The following PACRG variants were observed in gnomAD, a reference collection of about 807,000 sequenced individuals.
PACRG encodes parkin coregulated gene protein.
A neutral mutation model predicts 29.7 loss-of-function variants in PACRG; 29 were observed. The observed-to-expected ratio is 0.98, with a 90% CI of 0.73 to 1.33. PACRG has a LOEUF of 1.33. PACRG is among the 40% of genes most tolerant of loss of function. The pLI, the probability that PACRG is intolerant of heterozygous loss-of-function variation, is 0.00. For missense variants in PACRG, 279 were observed against 316.2 expected (o/e 0.88, Z 0.89); for synonymous variants, 116 against 118.7 (o/e 0.98, Z 0.15).
chr6:162,846,809 G>A (rs1238070808), intron 2 of PACRG, among the ~76,000 whole-genome samples: 1 of 152,180 alleles, frequency 6.6e-6, no homozygotes, highest in Non-Finnish European at 1.5e-5. Context: ...GCTCCCCACT[G>A]TTGTCTGTGC....
At chr6:163,255,575 G>A (rs769484450) in intron 4 of PACRG, among the ~76,000 whole-genome samples, 5 of 152,062 alleles carry the variant, frequency 3.3e-5, no homozygotes, top group Non-Finnish European at 7.4e-5. Context: ...CCTTGGGGGC[G>A]ACCCACCCAA....
intron 4 of PACRG, among the ~76,000 whole-genome samples, chr6:163,274,269 G>A (rs1384873401): frequency 2.0e-5 from 3 of 152,190 alleles, no homozygotes; most frequent in African/African-American, 4.8e-5. Flanking sequence ...CTATGAGTGA[G>A]AACATGCAGT....
intron 2 of PACRG, among the ~76,000 whole-genome samples, chr6:162,891,514 A>T (rs1006267536): frequency 1.3e-5 from 2 of 152,062 alleles, no homozygotes; most frequent in Non-Finnish European, 2.9e-5. Context: ...CAGCCATTCC[A>T]TCTCAGCTCC....
chr6:162,951,793 G>A (rs1009251104), intron 2 of PACRG, among the ~76,000 whole-genome samples: 1 of 152,156 alleles, frequency 6.6e-6, no homozygotes, highest in Non-Finnish European at 1.5e-5. Context: ...TTCAGCTGAT[G>A]GTTTTTTAAA....
At chr6:163,137,464 C>T (rs1205814873) in intron 4 of PACRG, among the ~76,000 whole-genome samples, 1 of 152,092 alleles carries the variant, frequency 6.6e-6, no homozygotes, top group Non-Finnish European at 1.5e-5. Context: ...CTGAACAAAC[C>T]CACCAAAATC....
At chr6:162,985,336 A>G (rs938600149) in intron 2 of PACRG, among the ~76,000 whole-genome samples, 2 of 152,132 alleles carry the variant, frequency 1.3e-5, no homozygotes, top group East Asian at 1.9e-4. Context: ...ATCCAACAGC[A>G]TATGAAAAAG....
At chr6:163,048,454 C>A (rs778095736) in intron 2 of PACRG, among the ~76,000 whole-genome samples, 2 of 151,962 alleles carry the variant, frequency 1.3e-5, no homozygotes, top group Admixed American at 6.6e-5. Context: ...GTGATATGGC[C>A]TATTTGGCCA....
intron 2 of PACRG, among the ~76,000 whole-genome samples, chr6:162,834,184 A>C (rs961881029): frequency 2.6e-5 from 4 of 152,160 alleles, no homozygotes; most frequent in African/African-American, 9.7e-5. Flanking sequence ...AAAAGAGAAG[A>C]AAGTTAAGTC....
intron 2 of PACRG, among the ~76,000 whole-genome samples, chr6:162,945,221 A>G (rs1798918545): frequency 6.6e-6 from 1 of 152,102 alleles, no homozygotes; most frequent in South Asian, 2.1e-4. Context: ...GACTGACTGA[A>G]TGGATAAAAT....
At chr6:162,956,016 T>C (rs1454464532) in intron 2 of PACRG, among the ~76,000 whole-genome samples, 1 of 152,184 alleles carries the variant, frequency 6.6e-6, no homozygotes, top group Non-Finnish European at 1.5e-5. Context: ...CACAGGAGCC[T>C]GGAGGCTTTT....
chr6:163,148,482 A>G (rs2128337236), intron 4 of PACRG, among the ~76,000 whole-genome samples: 1 of 152,328 alleles, frequency 6.6e-6, no homozygotes, highest in East Asian at 1.9e-4. Context: ...ATTTCTAGCC[A>G]GAGAGCTGCA....
At chr6:162,922,200 T>TG (rs1797113897) in intron 2 of PACRG, among the ~76,000 whole-genome samples, 1 of 150,470 alleles carries the variant, frequency 6.6e-6, no homozygotes, top group Non-Finnish European at 1.5e-5. Flanking sequence ...GAGCAGTGCC[T>TG]GGGGGGTCTT....
chr6:163,233,672 TA>T (rs569647947), intron 4 of PACRG, among the ~76,000 whole-genome samples: 103 of 152,300 alleles, frequency 6.8e-4, no homozygotes, highest in African/African-American at 2.3e-3. Flanking sequence ...TTCTTTGTGT[TA>T]GGGGCAGAGG....
intron 1 of PACRG, among the ~76,000 whole-genome samples, chr6:162,736,142 A>G (rs2128253349): frequency 6.6e-6 from 1 of 152,346 alleles, no homozygotes; most frequent in African/African-American, 2.4e-5. Flanking sequence ...GAACTCTCTG[A>G]GAAATTGGTC....
rs867870618 is a variant in PACRG at position 163,257,005 on chromosome 6, C to T, written c.614-57822C>T. Among the ~76,000 whole-genome samples, 36 of 152,088 alleles carry T rather than the reference C, an allele frequency of 2.4e-4. 1 individual carries two copies. The highest frequency in any genetic ancestry group is 3.4e-3 in the Middle Eastern group (1 of 292). The stretch of plus-strand genomic sequence containing the variant: ...GTAGACACATCACTCCAATCTCTGC[C>T]GCCATCTTCACGTGGTCTTTTCTTG... On this transcript the variant is annotated intron_variant, in intron 4 of 4. Coordinates refer to ENST00000366888, the MANE Select transcript of PACRG (RefSeq NM_001080379.2).
At chr6:163,130,235 TG>T (rs1816680076) in intron 4 of PACRG, among the ~76,000 whole-genome samples, 1 of 152,184 alleles carries the variant, frequency 6.6e-6, no homozygotes, top group Non-Finnish European at 1.5e-5. Flanking sequence ...TGAGCACCTT[TG>T]GGGGTGGAGG....
At chr6:162,855,478 T>G (rs1791310488) in intron 2 of PACRG, among the ~76,000 whole-genome samples, 1 of 152,146 alleles carries the variant, frequency 6.6e-6, no homozygotes, top group African/African-American at 2.4e-5. Flanking sequence ...ATTATAGCCA[T>G]CTGTCTTAAA....
chr6:163,153,560 A>AT (rs1191310343), intron 4 of PACRG, among the ~76,000 whole-genome samples: 9 of 152,116 alleles, frequency 5.9e-5, no homozygotes, highest in East Asian at 1.9e-4. Context: ...CTAAAAGGGG[A>AT]TTTTTTTTAC....
At position 163,008,494 on chromosome 6, in the gene PACRG, A is replaced by C. The variant is rs925027672; in HGVS notation, c.292-53656A>C. 4.0e-5 allele frequency among the ~76,000 whole-genome samples: 6 copies of C among 151,852 alleles called. No individual in the cohort carries two copies. In the South Asian group the frequency reaches 6.3e-4, roughly 16 times the overall value. Reference sequence around the variant, plus strand: ...AGGGTCATCTATAACAAATCCTCTCAGTAGGAGATCCCTTCCTTTCTCCAA... The same window carrying C: ...AGGGTCATCTATAACAAATCCTCTCCGTAGGAGATCCCTTCCTTTCTCCAA... On this transcript the variant is annotated intron_variant, in intron 2 of 4. Coordinates refer to ENST00000366888, the MANE Select transcript of PACRG (RefSeq NM_001080379.2).
Sources: allele counts gnomAD v4.1 joint callset (sites outside exome capture counted in the v4.1 genomes callset), GRCh38; gene constraint gnomAD v4.1.1; transcripts MANE v1.5; gene names NCBI Gene and HGNC (gene_info 2026-07-23, HGNC 2026-07-21).